LAS1L: variants seen among roughly 807,000 people sequenced by gnomAD.
The protein encoded by LAS1L is LAS1 like ribosome biogenesis factor.
LAS1L carries 5 observed loss-of-function variants against 57.3 expected under a neutral mutation model. The observed-to-expected ratio is 0.09, with a 90% CI of 0.05 to 0.18. The LOEUF is 0.18. Ranked by LOEUF, LAS1L falls within the 10% of genes least tolerant of loss-of-function variation. The probability of loss-of-function intolerance (pLI) is 1.00; values close to 1 mark genes in which losing one functional copy is unlikely to be tolerated. For missense variants in LAS1L, 360 were observed against 568.3 expected, an observed-to-expected ratio of 0.63 and a Z score of 3.73; for synonymous variants, 245 against 231.7, an observed-to-expected ratio of 1.06 and a Z score of -0.52.
Position 65,533,618 on chromosome X carries a change from T to C in LAS1L, c.354A>G (p.Ala118=), listed in dbSNP as rs750842403. The C allele has an allele frequency of 3.3e-6, 4 of 1,210,806 alleles. 1 individual carries two copies. In the South Asian group the frequency reaches 7.0e-5, roughly 21 times the overall value. The change falls in exon 2 of 14, where the codon GCA becomes GCG. Residue 118 remains alanine (A), a synonymous_variant. Transcript: ENST00000374811. ...CCCCATGCAGGTCTTACCTGACCAATGCCATGCCATAGAGCAGTCTAAGTT... is the reference window on the plus strand; with the variant it reads ...CCCCATGCAGGTCTTACCTGACCAACGCCATGCCATAGAGCAGTCTAAGTT... ...TDELRLLYGM[A]LVRFVNLISE...
intron 11 of LAS1L, among the ~76,000 whole-genome samples, chrX:65,520,122 G>A (rs182914550): frequency 6.5e-4 from 73 of 111,487 alleles, no homozygotes; most frequent in African/African-American, 2.3e-3. Flanking sequence ...CTAAGGTGCG[G>A]GGGTGATGCG....
rs749193090 is a variant in LAS1L at position 65,534,592 on chromosome X, C to A, written c.124G>T (p.Val42Leu). 1 of 1,205,916 alleles carries A rather than the reference C, an allele frequency of 8.3e-7. No individual in the cohort carries two copies. The highest frequency in any genetic ancestry group is 1.1e-6 in the Non-Finnish European group (1 of 892,375). The change falls in exon 1 of 14, where the codon GTG (valine) becomes TTG (leucine). Residue 42 changes from valine to leucine, a missense_variant. Physicochemically the swap from Val to Leu is conservative, Grantham distance 32. Transcript: ENST00000374811. ...TCGGCCCTGCTGAGCCAGGCGACCA[C>A]GATGCCGTGGGCCGAGAGTGGCAAC... ...GSLPLSAHGI[V>L]VAWLSRAEWD...
chrX:65,517,349 G>A (rs1241055346), intron 12 of LAS1L, among the ~76,000 whole-genome samples: 4 of 107,953 alleles, frequency 3.7e-5, no homozygotes, highest in Non-Finnish European at 7.7e-5. Context: ...CCAGGTTCAC[G>A]CCATTCTCCT....
At chrX:65,521,487 T>C (rs2068846057) in intron 11 of LAS1L, 1 of 118,300 alleles carries the variant, frequency 8.5e-6, no homozygotes, top group Admixed American at 9.4e-5. Context: ...TTGGGAAGTA[T>C]TCGAGAGTCA....
intron 7 of LAS1L, 135 bp downstream of exon 7, chrX:65,528,125 T>C (rs760041544): frequency 8.8e-6 from 4 of 455,755 alleles, no homozygotes; most frequent in East Asian, 7.8e-5. Flanking sequence ...GTAGGGTCAC[T>C]GTGGAGGGGA....
intron 4 of LAS1L, among the ~76,000 whole-genome samples, chrX:65,531,008 CT>C (rs1203065376): frequency 1.1e-4 from 12 of 110,809 alleles, no homozygotes; most frequent in Admixed American, 1.9e-4. Context: ...CAAAAAACAA[CT>C]TAAGGGCAGG....
chrX:65,524,876 C>T lies in LAS1L; in HGVS notation c.1042+89G>A. On this transcript the variant is annotated intron_variant, in intron 8 of 13. Coordinates refer to ENST00000374811, the MANE Select transcript of LAS1L (RefSeq NM_031206.7). ...ATGGAATGGCAGGAAACAGCCTTCA[C>T]ACCCCAACCCAGGGCCCCCCAGCCC... 6.9e-6 allele frequency: 5 copies of T among 724,241 alleles called. No homozygotes were observed. In the East Asian group the frequency reaches 1.7e-4, roughly 25 times the overall value. 59.7% of individuals were successfully genotyped at this position (724,241 alleles called of 1,213,427 possible).
rs762493758 is a variant in LAS1L, at chrX:65,534,769, A to G, written c.-54T>C. On this transcript the variant is annotated 5_prime_UTR_variant, in exon 1 of 14. Transcript: ENST00000374811. ...CGCCGCTCCGCACAGCCTTCAGCTC[A>G]GCGTGCTACCCTCACTCCGAACCGC... is the stretch of plus-strand genomic sequence containing the variant. 1.1e-5 allele frequency: 11 copies of G among 1,002,762 alleles called. No individual in the cohort carries two copies. The Admixed American group carries it at 2.7e-4, about 25-fold the overall frequency. The allele number at this position is 1,002,762 out of a possible 1,213,427, so 82.6% of individuals were successfully genotyped here.
At position 65,518,111 on chromosome X, in the gene LAS1L, TTCA is replaced by T. The variant is rs758449459; in HGVS notation, c.1800_1802del (p.Asp600del). Reference sequence around the variant, plus strand: ...GCCCCACCTCCATTCTGTCTTCCTCTTCATCATCTTCATCATCTTCATCCTCCT... The same window carrying T: ...GCCCCACCTCCATTCTGTCTTCCTCTTCATCTTCATCATCTTCATCCTCCT... On this transcript the variant is annotated inframe_deletion, in exon 12 of 14. Coordinates refer to ENST00000374811, the MANE Select transcript of LAS1L (RefSeq NM_031206.7). 29 of 1,182,617 alleles carry T rather than the reference TTCA, an allele frequency of 2.5e-5. No individual in the cohort carries two copies. The highest frequency in any genetic ancestry group is 3.2e-5 in the Non-Finnish European group (28 of 869,831).
intron 4 of LAS1L, among the ~76,000 whole-genome samples, chrX:65,530,167 T>C (rs2069396147): frequency 8.9e-6 from 1 of 112,883 alleles, no homozygotes; most frequent in African/African-American, 3.2e-5. Context: ...ATCAGCCCCA[T>C]TAGCTAGTTA....
chrX:65,521,067 G>C (rs2068829654), intron 11 of LAS1L: 1 of 750,393 alleles, frequency 1.3e-6, no homozygotes, highest in Non-Finnish European at 1.6e-6. Flanking sequence ...ATCTGGCAAT[G>C]TGGCTGTTCA....
chrX:65,527,275 C>T (rs2069210117), intron 7 of LAS1L, among the ~76,000 whole-genome samples: 1 of 81,046 alleles, frequency 1.2e-5, no homozygotes, highest in African/African-American at 4.6e-5. Context: ...GTGGCTTATA[C>T]CTGTGATCCC....
chrX:65,531,367 G>A lies in LAS1L; in HGVS notation c.504C>T (p.Asp168=). ...CCTCTGAGGACTCACCTCTGCGGCA[G>A]TCATTTATATGGGGCATTTTCTTGT... ...LTHKKMPHIN[D]CRRGCYFVLD... is the part of the protein sequence containing the mutation. Residue 168 remains aspartate, a synonymous_variant, in exon 4 of 14, where the codon GAC becomes GAT. Transcript: ENST00000374811. 8.3e-7 allele frequency: 1 copy of A among 1,205,012 alleles called. No homozygotes were observed. The highest frequency in any genetic ancestry group is 1.1e-6 in the Non-Finnish European group (1 of 889,585).
intron 7 of LAS1L, among the ~76,000 whole-genome samples, 156 bp from the exon 8 acceptor site, chrX:65,525,206 G>C (rs1422537085): frequency 8.9e-6 from 1 of 111,839 alleles, no homozygotes; most frequent in Non-Finnish European, 1.9e-5. Flanking sequence ...GGGAGGAAGG[G>C]AGTTGACAAT....
At chrX:65,520,158 G>A (rs1397146845) in intron 11 of LAS1L, among the ~76,000 whole-genome samples, 1 of 111,588 alleles carries the variant, frequency 9.0e-6, no homozygotes, top group Non-Finnish European at 1.9e-5. Flanking sequence ...CCCCTTCCTC[G>A]AGTATGTCTG....
At chrX:65,525,186 G>A in intron 7 of LAS1L, 136 bp from the exon 8 acceptor site, 1 of 484,905 alleles carries the variant, frequency 2.1e-6, no homozygotes. Context: ...GTGGTGGGTG[G>A]GTAGGAGTGG....
At chrX:65,525,113 C>A in intron 7 of LAS1L, 63 bp from the exon 8 acceptor site, 1 of 920,077 alleles carries the variant, frequency 1.1e-6, no homozygotes, top group Non-Finnish European at 1.5e-6. Flanking sequence ...CCTACTCCTC[C>A]ACCCACCTCC....
intron 3 of LAS1L, 144 bp from the exon 4 acceptor site, chrX:65,531,582 A>G (rs1178354193): frequency 2.3e-6 from 1 of 441,546 alleles, no homozygotes; most frequent in Non-Finnish European, 3.9e-6. Flanking sequence ...TTCCAATCAC[A>G]GTGACAGAGC....
In LAS1L at chrX:65,531,362, C is replaced by T. The variant is rs1296030130; in HGVS notation, c.509G>A (p.Arg170His). ...HKKMPHINDC[R>H]RGCYFVLDWL... is the part of the protein sequence containing the mutation. ...TATAACCTCTGAGGACTCACCTCTG[C>T]GGCAGTCATTTATATGGGGCATTTT... is the stretch of plus-strand genomic sequence containing the variant. The change falls in exon 4 of 14, where the codon CGC becomes CAC. Residue 170 changes from arginine to histidine, a missense_variant. Arg to His is a conservative substitution (Grantham distance 29). Coordinates refer to ENST00000374811, the MANE Select transcript of LAS1L (RefSeq NM_031206.7). The T allele has an allele frequency of 8.3e-7, 1 of 1,200,287 alleles. No homozygotes were observed. Among genetic ancestry groups the T allele is most frequent in the Non-Finnish European group, 1.1e-6 (1 of 885,543 alleles).
Sources: allele counts gnomAD v4.1 joint callset (sites outside exome capture counted in the v4.1 genomes callset), GRCh38; gene constraint gnomAD v4.1.1; transcripts MANE v1.5; gene names NCBI Gene and HGNC (gene_info 2026-07-23, HGNC 2026-07-21).